BRD4: variants seen among roughly 807,000 people sequenced by gnomAD.
BRD4 encodes the protein bromodomain containing 4.
BRD4 carries 16 observed loss-of-function variants against 142.1 expected under a neutral mutation model. The ratio of observed to expected loss-of-function variants is 0.11; its 90% CI spans 0.08 to 0.17. The LOEUF is 0.17. Ranked by LOEUF, BRD4 falls within the 10% of genes least tolerant of loss-of-function variation. The pLI is 1.00. For missense variants in BRD4, 1,424 were observed against 1,810.9 expected (o/e 0.79, Z 3.88); for synonymous variants, 833 against 707.5 (o/e 1.18, Z -2.82).
chr19:15,256,234 G>A lies in BRD4; in HGVS notation c.1581C>T (p.Ala527=), dbSNP rs2047407436. 1 of 1,612,926 alleles carries A rather than the reference G, an allele frequency of 6.2e-7. No individual in the cohort carries two copies. The highest frequency in any genetic ancestry group is 1.7e-5 in the Admixed American group (1 of 59,884). Residue 527 remains alanine, a synonymous_variant, in exon 9 of 20, where the codon GCC becomes GCT. Transcript: ENST00000679869. The part of the protein sequence containing the change: ...QLKAVHEQLA[A]LSQPQQNKPK... ...GTTTGTTCTGCTGGGGCTGAGAGAGGGCTGCAAGCTGCTCGTGCACGGCTT... is the reference window on the plus strand; with the variant it reads ...GTTTGTTCTGCTGGGGCTGAGAGAGAGCTGCAAGCTGCTCGTGCACGGCTT...
chr19:15,239,618 G>C lies in BRD4; in HGVS notation c.3445+41C>G, dbSNP rs368982771. Reference sequence around the variant, plus strand: ...CAAGCTTATGTCCAACACGGGCCTCGGGGGGCCTGAGCCCTGGCTGTGGGC... The same window carrying C: ...CAAGCTTATGTCCAACACGGGCCTCCGGGGGCCTGAGCCCTGGCTGTGGGC... On this transcript the variant is annotated intron_variant, in intron 16 of 19. Coordinates refer to ENST00000679869, the MANE Select transcript of BRD4 (RefSeq NM_001379291.1). The surrounding 1 kb of genome is among the most constrained non-coding windows in gnomAD (Gnocchi z 7.4). 1.3e-6 allele frequency: 2 copies of C among 1,557,716 alleles called. No homozygotes were observed. The highest frequency in any genetic ancestry group is 1.7e-6 in the Non-Finnish European group (2 of 1,160,496).
intron 2 of BRD4, among the ~76,000 whole-genome samples, chr19:15,272,560 C>T (rs1431260333): frequency 6.6e-6 from 1 of 152,234 alleles, no homozygotes; most frequent in East Asian, 1.9e-4. Flanking sequence ...CTTTCTCCCA[C>T]TGCTTCAACC....
chr19:15,257,699 G>A (rs1258981323), intron 7 of BRD4, among the ~76,000 whole-genome samples: 1 of 152,134 alleles, frequency 6.6e-6, no homozygotes, highest in African/African-American at 2.4e-5. Flanking sequence ...TAGCAGACAC[G>A]GTTCTAAGTC....
In BRD4 at chr19:15,317,449, A is replaced by G. The variant is rs907495996; in HGVS notation, c.-35+14841T>C. 2.6e-5 allele frequency among the ~76,000 whole-genome samples: 4 copies of G among 152,350 alleles called. No individual in the cohort carries two copies. The South Asian group carries it at 8.3e-4, about 32-fold the overall frequency. The stretch of plus-strand genomic sequence containing the variant: ...TTAAAACAGGCATGCAGTAAGCAAT[A>G]GAAAAAAATTAAGGAAGATGTCAAG... On this transcript the variant is annotated intron_variant, in intron 1 of 19. Transcript: ENST00000679869.
intron 7 of BRD4, 42 bp downstream of exon 7, chr19:15,263,378 A>T (rs971221226): frequency 6.3e-7 from 1 of 1,599,594 alleles, no homozygotes; most frequent in East Asian, 2.2e-5. Context: ...CGAGGACCTC[A>T]GCCTGCTCTG....
rs2047265907 is a variant in BRD4, at chr19:15,244,392, A to T, written c.2420T>A (p.Val807Asp). 1 of 1,590,482 alleles carries T rather than the reference A, an allele frequency of 6.3e-7. No individual in the cohort carries two copies. Among genetic ancestry groups the T allele is most frequent in the African/African-American group, 1.4e-5 (1 of 73,390 alleles). ...PPPFIATQVP[V>D]LEPQLPGSVF... ...GCTGCCTGGGAGCTGGGGCTCCAGG[A>T]CGGGCACCTGGGTGGCAATGAAGGG... is the stretch of plus-strand genomic sequence containing the variant. Residue 807 changes from valine to aspartate, a missense_variant, in exon 13 of 20, where the codon GTC (valine) becomes GAC (aspartate). By Grantham distance (152) the Val-to-Asp change is radical. Coordinates refer to ENST00000679869, the MANE Select transcript of BRD4 (RefSeq NM_001379291.1).
chr19:15,242,876 A>G, intron 14 of BRD4, 24 bp downstream of exon 14: 1 of 1,593,972 alleles, frequency 6.3e-7, no homozygotes, highest in Non-Finnish European at 8.5e-7. Flanking sequence ...GCCTCCCCAG[A>G]GTCTACGGGT....
At chr19:15,288,154 T>C (rs1448656971) in intron 1 of BRD4, among the ~76,000 whole-genome samples, 1 of 152,238 alleles carries the variant, frequency 6.6e-6, no homozygotes, top group Non-Finnish European at 1.5e-5. Flanking sequence ...GCTTCTATAA[T>C]ACCTTTTGGC....
chr19:15,264,542 G>T lies in BRD4; in HGVS notation c.1074C>A (p.Ser358Arg). 6.2e-7 allele frequency: 1 copy of T among 1,614,196 alleles called. No homozygotes were observed. The highest frequency in any genetic ancestry group is 8.5e-7 in the Non-Finnish European group (1 of 1,180,050). ...SKVSEQLKCC[S>R]GILKEMFAKK... ...TGGCAAACATCTCCTTGAGGATGCC[G>T]CTGCAGCACTTGAGCTGCTCCGAGA... The change falls in exon 6 of 20, where the codon AGC becomes AGA. Residue 358 changes from serine to arginine, a missense_variant. Physicochemically the swap from Ser to Arg is moderately radical, Grantham distance 110. Around this residue, in one of 16 missense-constraint regions of BRD4, gnomAD observed 30 missense variants for 65.2 expected, o/e 0.46. Transcript: ENST00000679869.
At chr19:15,285,079 A>T (rs906019481) in intron 1 of BRD4, among the ~76,000 whole-genome samples, 5 of 152,168 alleles carry the variant, frequency 3.3e-5, no homozygotes, top group African/African-American at 1.2e-4. Flanking sequence ...GTGCTGTGCC[A>T]CAAGGGAGCC....
At chr19:15,293,944 G>C (rs1056573495) in intron 1 of BRD4, among the ~76,000 whole-genome samples, 7 of 152,198 alleles carry the variant, frequency 4.6e-5, no homozygotes, top group African/African-American at 1.7e-4. Flanking sequence ...AATGTCTTAA[G>C]ATTCATCCAA....
chr19:15,282,956 ACT>A (rs1047245325), intron 1 of BRD4, among the ~76,000 whole-genome samples: 6 of 152,056 alleles, frequency 3.9e-5, no homozygotes, highest in Non-Finnish European at 7.4e-5. Context: ...ACAGAGTAAG[ACT>A]CTGTCTTTAA....
rs116138695 is a variant in BRD4 at position 15,307,059 on chromosome 19, G to A, written c.-35+25231C>T. On this transcript the variant is annotated intron_variant, in intron 1 of 19. Transcript: ENST00000679869. ...CTATACATGCAACAAACACAAAACC[G>A]GTAAACTCAAAATTCAGGATGGGCA... is the stretch of plus-strand genomic sequence containing the variant. Among the ~76,000 whole-genome samples, 614 of 152,052 alleles carry A rather than the reference G, an allele frequency of 4.0e-3. 7 individuals carry two copies. Among genetic ancestry groups the A allele is most frequent in the African/African-American group, 0.014 (575 of 41,476 alleles).
chr19:15,303,131 A>C lies in BRD4; in HGVS notation c.-35+29159T>G, dbSNP rs1379254338. 2.6e-5 allele frequency among the ~76,000 whole-genome samples: 4 copies of C among 152,178 alleles called. 1 individual carries two copies. The highest frequency in any genetic ancestry group is 4.8e-5 in the African/African-American group (2 of 41,450). On this transcript the variant is annotated intron_variant, in intron 1 of 19. Transcript: ENST00000679869. ...GCAAGACCAACAATCTTAAAGGAGT[A>C]ATACACAGTCCATGTAGGGTACACT... is the stretch of plus-strand genomic sequence containing the variant.
chr19:15,311,106 C>T (rs926389568), intron 1 of BRD4, among the ~76,000 whole-genome samples: 6 of 152,006 alleles, frequency 3.9e-5, no homozygotes, highest in African/African-American at 1.4e-4. Context: ...GCATGGCCAA[C>T]ATGGCGAAAC....
chr19:15,272,438 G>A lies in BRD4; in HGVS notation c.285+377C>T, dbSNP rs577234926. On this transcript the variant is annotated intron_variant, in intron 2 of 19. Transcript: ENST00000679869. ...CCTCTAGCATAGTTTGATCAACTAC[G>A]TCTACTTATCCTTGATCAACTATGT... Among the ~76,000 whole-genome samples the A allele has an allele frequency of 2.0e-5, 3 of 152,258 alleles. No individual in the cohort carries two copies. In the East Asian group the frequency reaches 5.8e-4, roughly 29 times the overall value.
intron 1 of BRD4, among the ~76,000 whole-genome samples, chr19:15,309,709 G>C (rs2047949798): frequency 6.6e-6 from 1 of 152,182 alleles, no homozygotes; most frequent in Non-Finnish European, 1.5e-5. Flanking sequence ...GATACAACCA[G>C]ATTTTCTGAA....
chr19:15,295,566 G>A (rs2047816139), intron 1 of BRD4, among the ~76,000 whole-genome samples: 1 of 152,220 alleles, frequency 6.6e-6, no homozygotes, highest in Admixed American at 6.5e-5. Flanking sequence ...TCTGGAACAA[G>A]ACAAGCATAT....
chr19:15,242,223 C>CT (rs1274006524), intron 14 of BRD4, among the ~76,000 whole-genome samples: 2 of 152,218 alleles, frequency 1.3e-5, no homozygotes, highest in Non-Finnish European at 2.9e-5. Flanking sequence ...ATCTACACTG[C>CT]TGAGGCCAGG....
Sources: gnomAD v4.1 joint callset for allele counts (sites outside exome capture counted in the v4.1 genomes callset) on GRCh38, gnomAD v4.1.1 for gene constraint, gnomAD v4.1.1 regional missense constraint, Gnocchi (gnomAD v3.1) non-coding constraint, MANE v1.5 for transcripts, NCBI Gene and HGNC (gene_info 2026-07-23, HGNC 2026-07-21) for gene names.